The following ODR4 variants were observed in gnomAD, a reference collection of about 807,000 sequenced individuals.
The protein encoded by ODR4 is protein odr-4 homolog.
A neutral mutation model predicts 60.2 loss-of-function variants in ODR4; 47 were observed. The observed-to-expected ratio is 0.78, with a 90% CI of 0.62 to 1.00. The LOEUF is 1.00. Ranked by LOEUF, ODR4 falls within the 50% of genes least tolerant of loss-of-function variation. The probability of loss-of-function intolerance (pLI) is 0.00; values close to 1 mark genes in which losing one functional copy is unlikely to be tolerated. For missense variants in ODR4, 488 were observed against 530.8 expected, an observed-to-expected ratio of 0.92 and a Z score of 0.79; for synonymous variants, 178 against 175.5, an observed-to-expected ratio of 1.01 and a Z score of -0.11.
chr1:186,381,357 CT>C (rs1408120484), intron 2 of ODR4, among the ~76,000 whole-genome samples: 1 of 146,834 alleles, frequency 6.8e-6, no homozygotes, highest in Non-Finnish European at 1.5e-5. Flanking sequence ...GAGACGGAGT[CT>C]CGCTGTCGCC....
chr1:186,389,510 GT>G, intron 5 of ODR4, 77 bp from the exon 6 acceptor site: 13 of 1,174,204 alleles, frequency 1.1e-5, no homozygotes, highest in Non-Finnish European at 1.6e-5. Flanking sequence ...GCATTTTTTA[GT>G]TTATTTTTTG....
chr1:186,430,612 A>T, the ODR4 span, among the ~76,000 whole-genome samples: 4 of 152,156 alleles, frequency 2.6e-5, no homozygotes, highest in African/African-American at 4.8e-5. Flanking sequence ...TAATTTTAAT[A>T]TTTTTTTCTG....
At chr1:186,389,842 C>CA (rs1660392742) in intron 6 of ODR4, among the ~76,000 whole-genome samples, 1 of 152,180 alleles carries the variant, frequency 6.6e-6, no homozygotes, top group South Asian at 2.1e-4. Context: ...AGCTAGAGTG[C>CA]AGTGATGCAG....
chr1:186,401,411 T>C, intron 11 of ODR4: 1 of 400,624 alleles, frequency 2.5e-6, no homozygotes, highest in East Asian at 6.1e-5. Context: ...TCTGTGTGTA[T>C]TCTGCTCCTA....
intron 11 of ODR4, 177 bp downstream of exon 11, chr1:186,399,221 TTTAGAC>T: frequency 1.6e-6 from 1 of 620,936 alleles, no homozygotes; most frequent in African/African-American, 1.8e-5. Context: ...TTTTTTTTTT[TTTAGAC>T]AGAGTCTCAC....
At chr1:186,401,370 G>A (rs1343254754) in intron 11 of ODR4, 1 of 481,810 alleles carries the variant, frequency 2.1e-6, no homozygotes, top group Non-Finnish European at 3.8e-6. Context: ...GTAGTTTGGT[G>A]GAAAGAGCAA....
chr1:186,383,302 G>A, intron 3 of ODR4, 146 bp downstream of exon 3: 1 of 870,184 alleles, frequency 1.1e-6, no homozygotes, highest in South Asian at 2.0e-5. Flanking sequence ...TGTCTAGGAG[G>A]ATACTGTTGG....
chr1:186,401,096 T>G, intron 11 of ODR4: 1 of 1,595,358 alleles, frequency 6.3e-7, no homozygotes, highest in East Asian at 2.3e-5. Context: ...GCAGACACAT[T>G]AGTATACTCT....
intron 9 of ODR4, among the ~76,000 whole-genome samples, chr1:186,397,262 G>T (rs1553236120): frequency 6.6e-6 from 1 of 152,088 alleles, no homozygotes; most frequent in Non-Finnish European, 1.5e-5. Flanking sequence ...ATTCCTGATT[G>T]CATAAGCACA....
chr1:186,379,276 C>T (rs958428457), intron 1 of ODR4, among the ~76,000 whole-genome samples: 1 of 151,830 alleles, frequency 6.6e-6, no homozygotes, highest in East Asian at 1.9e-4. Flanking sequence ...AACCCCGTCT[C>T]TACTAAAAAC....
chr1:186,419,145 T>G lies in ODR4; in HGVS notation c.*69T>G. The G allele has an allele frequency of 1.5e-6, 2 of 1,320,650 alleles. No individual in the cohort carries two copies. The highest frequency in any genetic ancestry group is 2.1e-6 in the Non-Finnish European group (2 of 934,696). The allele number at this position is 1,320,650 out of a possible 1,614,324, so 81.8% of individuals were successfully genotyped here. A position where few individuals can be genotyped will look rare whatever the true frequency, so the allele number is the denominator to read the frequency against. On this transcript the variant is annotated 3_prime_UTR_variant, in exon 14 of 14. Transcript: ENST00000287859. ...AGACAATTATGAATAATAAAGATGTTAACAATCCATCTGTATTTAAAACAC... is the reference window on the plus strand; with the variant it reads ...AGACAATTATGAATAATAAAGATGTGAACAATCCATCTGTATTTAAAACAC...
chr1:186,426,312 T>C (rs1344594612), downstream of ODR4, among the ~76,000 whole-genome samples: 1 of 152,200 alleles, frequency 6.6e-6, no homozygotes, highest in African/African-American at 2.4e-5. Context: ...ACTCTTTGTA[T>C]AGAAGGAACT....
chr1:186,388,433 C>T lies in ODR4; in HGVS notation c.331-9C>T. ...ACATTCAATTAGTGTGTATTTTTCT[C>T]TCTTTCAGCTAATGTTTGCTGTGGA... is the stretch of plus-strand genomic sequence containing the variant. On this transcript the variant is annotated splice_polypyrimidine_tract_variant and intron_variant, in intron 4 of 13. Coordinates refer to ENST00000287859, the MANE Select transcript of ODR4 (RefSeq NM_017847.6). 1 of 1,462,142 alleles carries T rather than the reference C, an allele frequency of 6.8e-7. No individual in the cohort carries two copies. 90.6% of individuals were successfully genotyped at this position (1,462,142 alleles called of 1,614,324 possible).
At position 186,421,106 on chromosome 1, in the gene ODR4, T is replaced by G. The variant is rs1008392189; in HGVS notation, c.*2030T>G. On this transcript the variant is annotated 3_prime_UTR_variant, in exon 14 of 14. Coordinates refer to ENST00000287859, the MANE Select transcript of ODR4 (RefSeq NM_017847.6). The stretch of plus-strand genomic sequence containing the variant: ...CTGAGAAAAACTATTAGCTTAGAAT[T>G]TGCAACAAGCGAAACTGAAACAAAC... The G allele has an allele frequency of 3.9e-5, 6 of 152,086 alleles. No individual in the cohort carries two copies. Among genetic ancestry groups the G allele is most frequent in the Non-Finnish European group, 8.8e-5 (6 of 68,024 alleles). The allele number at this position is 152,086 out of a possible 1,614,324, so 9.4% of individuals were successfully genotyped here.
chr1:186,408,534 A>G (rs1022274304), intron 12 of ODR4, among the ~76,000 whole-genome samples: 2 of 149,906 alleles, frequency 1.3e-5, no homozygotes, highest in Non-Finnish European at 3.0e-5. Context: ...TATATATAAT[A>G]TAAACATATA....
intron 1 of ODR4, among the ~76,000 whole-genome samples, chr1:186,377,189 G>T (rs1659814957): frequency 6.6e-6 from 1 of 152,052 alleles, no homozygotes; most frequent in South Asian, 2.1e-4. Context: ...ATTGTTTAGG[G>T]AATAGTGACA....
At chr1:186,383,951 A>T (rs983561484) in intron 3 of ODR4, among the ~76,000 whole-genome samples, 1 of 152,142 alleles carries the variant, frequency 6.6e-6, no homozygotes, top group Admixed American at 6.5e-5. Context: ...AGGCAGGAGA[A>T]TTGCTTGAAC....
intron 11 of ODR4, among the ~76,000 whole-genome samples, chr1:186,403,808 A>G (rs542683098): frequency 6.6e-6 from 1 of 152,098 alleles, no homozygotes; most frequent in Non-Finnish European, 1.5e-5. Flanking sequence ...TAGATGACCT[A>G]CTCATTGTGA....
chr1:186,380,395 A>G (rs1050285462), intron 2 of ODR4, among the ~76,000 whole-genome samples: 1 of 151,982 alleles, frequency 6.6e-6, no homozygotes, highest in South Asian at 2.1e-4. Context: ...ATAGGGAGGG[A>G]GAGGGATTGG....
Sources: allele counts gnomAD v4.1 joint callset (sites outside exome capture counted in the v4.1 genomes callset), GRCh38; gene constraint gnomAD v4.1.1; transcripts MANE v1.5; gene names NCBI Gene and HGNC (gene_info 2026-07-23, HGNC 2026-07-21).